The following HNRNPA2B1 variants were observed in gnomAD, a reference collection of about 807,000 sequenced individuals.
The protein encoded by HNRNPA2B1 is heterogeneous nuclear ribonucleoproteins A2/B1.
A neutral mutation model predicts 46.3 loss-of-function variants in HNRNPA2B1; 3 were observed. That is an observed-to-expected ratio of 0.06 (90% CI 0.03 to 0.17). The LOEUF (loss-of-function observed/expected upper bound fraction) is 0.17. Ranked by LOEUF, HNRNPA2B1 falls within the 10% of genes least tolerant of loss-of-function variation. The pLI is 1.00. For synonymous variants in HNRNPA2B1, 225 were observed against 133.8 expected, an observed-to-expected ratio of 1.68 and a Z score of -4.70; for missense variants, 221 against 418.9, an observed-to-expected ratio of 0.53 and a Z score of 4.12.
At position 26,193,699 on chromosome 7, in the gene HNRNPA2B1, TATAAA is replaced by T; in HGVS notation, c.722-10_722-6del. ...GGCTACCTCCAAAATTGCCACCTAT[TATAAA>T]ATAAGCCTTTAAGTAATCACTTAAT... is the stretch of plus-strand genomic sequence containing the variant. On this transcript the variant is annotated splice_region_variant and splice_polypyrimidine_tract_variant and intron_variant, in intron 7 of 10. Transcript: ENST00000618183. The T allele has an allele frequency of 6.2e-7, 1 of 1,610,676 alleles. No individual in the cohort carries two copies. Among genetic ancestry groups the T allele is most frequent in the Non-Finnish European group, 8.5e-7 (1 of 1,177,796 alleles).
At position 26,197,299 on chromosome 7, in the gene HNRNPA2B1, G is replaced by T. The variant is rs750452754; in HGVS notation, c.264+16C>A. 1 of 1,598,946 alleles carries T rather than the reference G, an allele frequency of 6.3e-7. No homozygotes were observed. Among genetic ancestry groups the T allele is most frequent in the South Asian group, 1.1e-5 (1 of 89,304 alleles). On this transcript the variant is annotated intron_variant, in intron 3 of 10. Coordinates refer to ENST00000618183, the MANE Select transcript of HNRNPA2B1 (RefSeq NM_002137.4). ...GTTCTTCATGTTAATGCACAAGACA[G>T]TCATTGTTTGCTTACCTCTCTTGCT...
rs894275461 is a variant in HNRNPA2B1, at chr7:26,189,994, C to T, written c.*2366G>A. 2 of 152,180 alleles carry T rather than the reference C, an allele frequency of 1.3e-5. No homozygotes were observed. Among genetic ancestry groups the T allele is most frequent in the African/African-American group, 2.4e-5 (1 of 41,410 alleles). 9.4% of individuals were successfully genotyped at this position (152,180 alleles called of 1,614,324 possible). On this transcript the variant is annotated 3_prime_UTR_variant, in exon 11 of 11. Coordinates refer to ENST00000618183, the MANE Select transcript of HNRNPA2B1 (RefSeq NM_002137.4). The stretch of plus-strand genomic sequence containing the variant: ...ATGTCCACAATGCTCTTCTCATTTA[C>T]CTGTTAATATTAAAATATGCATAGC...
intron 1 of HNRNPA2B1, 178 bp downstream of exon 1, chr7:26,200,394 G>C: frequency 2.9e-6 from 2 of 699,168 alleles, no homozygotes; most frequent in South Asian, 1.6e-5. Flanking sequence ...GGGTGGGGAA[G>C]CTGTTTGTAC....
At chr7:26,197,981 T>A in intron 1 of HNRNPA2B1, 1 of 569,292 alleles carries the variant, frequency 1.8e-6, no homozygotes, top group South Asian at 2.7e-5. Context: ...AAGTCATTAA[T>A]GCTTGATATA....
Position 26,196,788 on chromosome 7 carries a change from T to C in HNRNPA2B1, c.475+19A>G. The C allele has an allele frequency of 6.2e-7, 1 of 1,604,612 alleles. No individual in the cohort carries two copies. Among genetic ancestry groups the C allele is most frequent in the Non-Finnish European group, 8.5e-7 (1 of 1,172,310 alleles). ...GAATACACTGGAAAAAAACAGTACATTTGTGGTTAGACACTTACATACGAT... is the reference window on the plus strand; with the variant it reads ...GAATACACTGGAAAAAAACAGTACACTTGTGGTTAGACACTTACATACGAT... On this transcript the variant is annotated intron_variant, in intron 4 of 10. Transcript: ENST00000618183.
chr7:26,193,658 C>T lies in HNRNPA2B1; in HGVS notation c.758G>A (p.Gly253Glu). The T allele has an allele frequency of 6.2e-7, 1 of 1,612,938 alleles. No homozygotes were observed. The highest frequency in any genetic ancestry group is 8.5e-7 in the Non-Finnish European group (1 of 1,179,432). ...NFGGSPGYGG[G>E]RGGYGGGGPG... ...TCCTCCACCACCATATCCTCCTCTT[C>T]CTCCTCCATAACCGGGGCTACCTCC... The change falls in exon 8 of 11, where the codon GGA (glycine) becomes GAA (glutamate). Residue 253 changes from glycine (G) to glutamate (E), a missense_variant. Gly to Glu is a moderately conservative substitution (Grantham distance 98). Transcript: ENST00000618183.
rs1324926361 is a variant in HNRNPA2B1, at chr7:26,196,892, C to T, written c.390G>A (p.Glu130=). The T allele has an allele frequency of 6.2e-7, 1 of 1,613,952 alleles. No homozygotes were observed. The highest frequency in any genetic ancestry group is 8.5e-7 in the Non-Finnish European group (1 of 1,179,884). ...TTCCAGACTGCCTATCAGTAATTATCTCAATGGTATCAATTTTTCCATATT... is the reference window on the plus strand; with the variant it reads ...TTCCAGACTGCCTATCAGTAATTATTTCAATGGTATCAATTTTTCCATATT... ...FEEYGKIDTI[E]IITDRQSGKK... Residue 130 remains glutamate (E), a synonymous_variant, in exon 4 of 11, where the codon GAG becomes GAA. Transcript: ENST00000618183.
At chr7:26,198,552 T>C (rs1783945930) in intron 1 of HNRNPA2B1, 1 of 152,086 alleles carries the variant, frequency 6.6e-6, no homozygotes, top group Non-Finnish European at 1.5e-5. Flanking sequence ...AAGATAACAA[T>C]TACTGAAAGC....
At chr7:26,199,952 T>C (rs1418032299) in intron 1 of HNRNPA2B1, 1 of 152,252 alleles carries the variant, frequency 6.6e-6, no homozygotes, top group Non-Finnish European at 1.5e-5. Context: ...GCGCCTTTAA[T>C]GAGGTGCGCA....
chr7:26,200,423 G>A (rs1013127275), intron 1 of HNRNPA2B1, 149 bp downstream of exon 1: 4 of 809,096 alleles, frequency 4.9e-6, no homozygotes, highest in Admixed American at 3.5e-5. Flanking sequence ...CTCCGCTCAA[G>A]ACCCCGTTCA....
At chr7:26,194,505 C>A (rs915779789) in intron 7 of HNRNPA2B1, among the ~76,000 whole-genome samples, 1 of 151,514 alleles carries the variant, frequency 6.6e-6, no homozygotes, top group African/African-American at 2.4e-5. Flanking sequence ...TCAAGACCAG[C>A]CAGGGCAACA....
At chr7:26,200,360 A>G (rs951765142) in intron 1 of HNRNPA2B1, 1 of 622,018 alleles carries the variant, frequency 1.6e-6, no homozygotes, top group Non-Finnish European at 2.9e-6. Flanking sequence ...CCCCCAGTGA[A>G]GGGAAATGGC....
At chr7:26,195,107 AAAAG>A (rs1161598756) in intron 7 of HNRNPA2B1, among the ~76,000 whole-genome samples, 4 of 145,050 alleles carry the variant, frequency 2.8e-5, no homozygotes, top group Non-Finnish European at 6.0e-5. Context: ...AAAAAAAAAA[AAAAG>A]AAACCATATT....
intron 3 of HNRNPA2B1, 119 bp from the exon 4 acceptor site, chr7:26,197,136 T>C (rs17153396): frequency 6.1e-5 from 67 of 1,102,468 alleles, no homozygotes; most frequent in Middle Eastern, 2.1e-4. Flanking sequence ...AGATATAAAA[T>C]AGCTTTTAGG....
chr7:26,195,756 T>C (rs905068209), intron 7 of HNRNPA2B1, 91 bp downstream of exon 7: 19 of 1,405,572 alleles, frequency 1.4e-5, no homozygotes, highest in African/African-American at 3.0e-5. Flanking sequence ...TAATATAAAA[T>C]GTTTAAAAAC....
chr7:26,198,528 G>A (rs1286449751), intron 1 of HNRNPA2B1: 3 of 152,068 alleles, frequency 2.0e-5, no homozygotes, highest in African/African-American at 4.8e-5. Context: ...ATACATTCAC[G>A]TGGCATAATC....
In HNRNPA2B1 at chr7:26,196,348, T is replaced by C. The variant is rs372952571; in HGVS notation, c.658+53A>G. The stretch of plus-strand genomic sequence containing the variant: ...GATTCTACTAATGAAAACCTAATCA[T>C]ATTTAAAATAAAAGCACACTCATCC... On this transcript the variant is annotated intron_variant, in intron 6 of 10. Coordinates refer to ENST00000618183, the MANE Select transcript of HNRNPA2B1 (RefSeq NM_002137.4). The C allele has an allele frequency of 2.4e-5, 33 of 1,397,808 alleles. No homozygotes were observed. In the African/African-American group the frequency reaches 3.7e-4, roughly 16 times the overall value. The allele number at this position is 1,397,808 out of a possible 1,614,324, so 86.6% of individuals were successfully genotyped here.
intron 10 of HNRNPA2B1, 23 bp from the exon 11 acceptor site, chr7:26,192,361 T>TA (rs879817983): frequency 4.9e-3 from 2,754 of 563,842 alleles, no homozygotes; most frequent in Non-Finnish European, 5.6e-3. Flanking sequence ...AAGTAAAGAG[T>TA]AAAAAAAAAA....
chr7:26,196,823 A>T lies in HNRNPA2B1; in HGVS notation c.459T>A (p.Pro153=). ...FGFVTFDDHD[P]VDKIVLQKYH... is the part of the protein sequence containing the mutation. The stretch of plus-strand genomic sequence containing the variant: ...GACACTTACATACGATTTTATCCAC[A>T]GGATCATGGTCATCAAAAGTAACAA... The change falls in exon 4 of 11, where the codon CCT becomes CCA. Residue 153 remains proline (P), a synonymous_variant. Transcript: ENST00000618183. The T allele has an allele frequency of 6.2e-7, 1 of 1,613,676 alleles. No individual in the cohort carries two copies. The highest frequency in any genetic ancestry group is 8.5e-7 in the Non-Finnish European group (1 of 1,179,794).
Sources: gnomAD v4.1 joint callset for allele counts (sites outside exome capture counted in the v4.1 genomes callset) on GRCh38, gnomAD v4.1.1 for gene constraint, MANE v1.5 for transcripts, NCBI Gene and HGNC (gene_info 2026-07-23, HGNC 2026-07-21) for gene names.